Variants in KAT6B observed in about 807,000 individuals in gnomAD.
KAT6B encodes histone acetyltransferase KAT6B.
KAT6B carries 10 observed loss-of-function variants against 187.5 expected under a neutral mutation model. That is an observed-to-expected ratio of 0.05 (90% CI 0.03 to 0.09). KAT6B has a LOEUF of 0.09. KAT6B is among the 10% of genes least tolerant of loss of function. The pLI is 1.00. For synonymous variants in KAT6B, 861 were observed against 926.8 expected, an observed-to-expected ratio of 0.93 and a Z score of 1.29; for missense variants, 1,952 against 2,558.9, an observed-to-expected ratio of 0.76 and a Z score of 5.12.
At chr10:75,013,436 TGGGATGA>T (rs2134081939) in intron 13 of KAT6B, among the ~76,000 whole-genome samples, 1 of 149,052 alleles carries the variant, frequency 6.7e-6, no homozygotes, top group South Asian at 2.2e-4. Context: ...GAAGGAAGGG[TGGGATGA>T]GAGGAGAGCT....
chr10:74,832,074 T>C (rs1449204710), intron 1 of KAT6B, among the ~76,000 whole-genome samples: 1 of 152,260 alleles, frequency 6.6e-6, no homozygotes, highest in Non-Finnish European at 1.5e-5. Flanking sequence ...AATACCTCTC[T>C]GTATATAGCC....
At chr10:74,958,686 C>T (rs549071013) in intron 3 of KAT6B, among the ~76,000 whole-genome samples, 5 of 152,170 alleles carry the variant, frequency 3.3e-5, no homozygotes, top group African/African-American at 1.2e-4. Context: ...AAGCAATTTT[C>T]ATACGAGAGT....
chr10:74,944,794 G>T (rs1849988669), intron 3 of KAT6B, among the ~76,000 whole-genome samples: 1 of 125,800 alleles, frequency 7.9e-6, no homozygotes, highest in African/African-American at 3.3e-5. Flanking sequence ...GGGCGACAGA[G>T]CGAGACTCCG....
chr10:74,928,782 G>A (rs1393538459), intron 3 of KAT6B, among the ~76,000 whole-genome samples: 1 of 152,172 alleles, frequency 6.6e-6, no homozygotes, highest in Non-Finnish European at 1.5e-5. Flanking sequence ...ACTGACCTTG[G>A]TCTGAGGCAT....
chr10:75,004,688 AAG>A lies in KAT6B; in HGVS notation c.2629+15580_2629+15581del, dbSNP rs1844082029. ...CCATTTACCCAGTTAAGATATATAG[AAG>A]AGACGCATTTTTCCTTGCTTTTCTT... On this transcript the variant is annotated intron_variant, in intron 13 of 17. Coordinates refer to ENST00000287239, the MANE Select transcript of KAT6B (RefSeq NM_012330.4). Among the ~76,000 whole-genome samples, 7 of 152,280 alleles carry A rather than the reference AAG, an allele frequency of 4.6e-5. No homozygotes were observed. In the South Asian group the frequency reaches 1.5e-3, roughly 32 times the overall value.
chr10:74,897,383 C>T (rs1191446731), intron 3 of KAT6B, among the ~76,000 whole-genome samples: 1 of 152,208 alleles, frequency 6.6e-6, no homozygotes, highest in Non-Finnish European at 1.5e-5. Flanking sequence ...ACCTAGAGTA[C>T]CTGTTTTCTG....
Position 75,031,233 on chromosome 10 carries a change from T to C in KAT6B, c.*187T>C, listed in dbSNP as rs972493161. On this transcript the variant is annotated 3_prime_UTR_variant, in exon 18 of 18. Transcript: ENST00000287239. The stretch of plus-strand genomic sequence containing the variant: ...GCCTTATACAAGTTGTTTTTCTTTT[T>C]TTCCTTTTTCTTTTTTTTGGTACCT... 18 of 679,306 alleles carry C rather than the reference T, an allele frequency of 2.6e-5. No individual in the cohort carries two copies. The East Asian group carries it at 5.0e-4, about 19-fold the overall frequency. The allele number at this position is 679,306 out of a possible 1,614,324, so 42.1% of individuals were successfully genotyped here.
chr10:74,833,329 A>G (rs191131424), intron 1 of KAT6B, among the ~76,000 whole-genome samples: 1 of 152,274 alleles, frequency 6.6e-6, no homozygotes, highest in East Asian at 1.9e-4. Context: ...TAGTTATAAT[A>G]CATCATTACT....
intron 3 of KAT6B, among the ~76,000 whole-genome samples, chr10:74,931,253 C>T (rs1848851616): frequency 6.6e-6 from 1 of 152,100 alleles, no homozygotes; most frequent in Non-Finnish European, 1.5e-5. Context: ...CTCTCCTGTC[C>T]CTGGGTGAAT....
At chr10:74,833,944 T>C (rs1418989226) in intron 1 of KAT6B, among the ~76,000 whole-genome samples, 1 of 152,260 alleles carries the variant, frequency 6.6e-6, no homozygotes, top group Non-Finnish European at 1.5e-5. Context: ...TGAGTTAGGC[T>C]CATAAATATA....
At chr10:74,942,648 C>T (rs907791322) in intron 3 of KAT6B, among the ~76,000 whole-genome samples, 6 of 151,578 alleles carry the variant, frequency 4.0e-5, no homozygotes, top group African/African-American at 1.5e-4. Context: ...GCCTGTAATC[C>T]CAGCTACTCG....
chr10:74,843,330 G>A lies in KAT6B; in HGVS notation c.473G>A (p.Arg158His), dbSNP rs1841874411. ...FQQRLRLGAK[R>H]AVNNGRLLKD... ...CAGCGGCTGCGACTGGGGGCCAAAC[G>A]CGCTGTGAATAATGGGAGGTTACTG... The change falls in exon 3 of 18, where the codon CGC becomes CAC. Residue 158 changes from arginine (R) to histidine (H), a missense_variant. Transcript: ENST00000287239. 1 of 1,613,478 alleles carries A rather than the reference G, an allele frequency of 6.2e-7. No individual in the cohort carries two copies. Among genetic ancestry groups the A allele is most frequent in the Non-Finnish European group, 8.5e-7 (1 of 1,179,696 alleles).
At chr10:74,854,908 A>T (rs954774342) in intron 3 of KAT6B, among the ~76,000 whole-genome samples, 3 of 152,154 alleles carry the variant, frequency 2.0e-5, no homozygotes, top group Non-Finnish European at 4.4e-5. Context: ...CTTTACTTAC[A>T]AGTTCAATTT....
chr10:74,884,377 G>A (rs529487698), intron 3 of KAT6B, among the ~76,000 whole-genome samples: 4 of 152,356 alleles, frequency 2.6e-5, no homozygotes, highest in African/African-American at 9.6e-5. Flanking sequence ...TTTGGCAACC[G>A]AAGATAGATG....
In KAT6B at chr10:75,031,382, A is replaced by C; in HGVS notation, c.*336A>C. ...CAATGTGGATATCAAGCCCCCCCAAATTATCTGTTTTAATATTGAACCTAG... is the reference window on the plus strand; with the variant it reads ...CAATGTGGATATCAAGCCCCCCCAACTTATCTGTTTTAATATTGAACCTAG... On this transcript the variant is annotated 3_prime_UTR_variant, in exon 18 of 18. Transcript: ENST00000287239. The C allele has an allele frequency of 2.5e-6, 1 of 399,098 alleles. No individual in the cohort carries two copies. Among genetic ancestry groups the C allele is most frequent in the Non-Finnish European group, 4.6e-6 (1 of 217,894 alleles). The allele number at this position is 399,098 out of a possible 1,614,324, so 24.7% of individuals were successfully genotyped here. A position where few individuals can be genotyped will look rare whatever the true frequency, so the allele number is the denominator to read the frequency against.
At chr10:74,874,695 T>C (rs1233543323) in intron 3 of KAT6B, among the ~76,000 whole-genome samples, 2 of 152,106 alleles carry the variant, frequency 1.3e-5, no homozygotes, top group Non-Finnish European at 2.9e-5. Flanking sequence ...TTAGTTGATT[T>C]CATAGTCATC....
rs776121130 is a variant in KAT6B, at chr10:74,989,139, A to G, written c.2629+27A>G. The G allele has an allele frequency of 2.6e-6, 4 of 1,510,094 alleles. No individual in the cohort carries two copies. In the South Asian group the frequency reaches 3.4e-5, roughly 13 times the overall value. 93.5% of individuals were successfully genotyped at this position (1,510,094 alleles called of 1,614,324 possible). A position where few individuals can be genotyped will look rare whatever the true frequency, so the allele number is the denominator to read the frequency against. The stretch of plus-strand genomic sequence containing the variant: ...TAAGTGAAGTACTTTATTTACTTTC[A>G]TGATCCAGGAAGCTGATGGCCGTTA... On this transcript the variant is annotated intron_variant, in intron 13 of 17. Coordinates refer to ENST00000287239, the MANE Select transcript of KAT6B (RefSeq NM_012330.4).
At position 74,878,637 on chromosome 10, in the gene KAT6B, AAAG is replaced by A. The variant is rs1466086012; in HGVS notation, c.621+35161_621+35163del. On this transcript the variant is annotated intron_variant, in intron 3 of 17. Transcript: ENST00000287239. ...TCCATCTCAAAAAAAAAAAAAAAAA[AAAG>A]ACATTTGTTTTGGCTGGGGAAGGCT... Among the ~76,000 whole-genome samples, 4 of 152,084 alleles carry A rather than the reference AAAG, an allele frequency of 2.6e-5. No individual in the cohort carries two copies. The East Asian group carries it at 7.7e-4, about 29-fold the overall frequency.
chr10:74,870,985 C>A (rs1327255861), intron 3 of KAT6B, among the ~76,000 whole-genome samples: 1 of 150,738 alleles, frequency 6.6e-6, no homozygotes, highest in Non-Finnish European at 1.5e-5. Context: ...TCAAGTAATT[C>A]TCCTGCCTCA....
Sources: allele counts gnomAD v4.1 joint callset (sites outside exome capture counted in the v4.1 genomes callset), GRCh38; gene constraint gnomAD v4.1.1; transcripts MANE v1.5; gene names NCBI Gene and HGNC (gene_info 2026-07-23, HGNC 2026-07-21).